The following GALNT7 variants were observed in gnomAD, a reference collection of about 807,000 sequenced individuals.
The protein encoded by GALNT7 is N-acetylgalactosaminyltransferase 7.
GALNT7 carries 60 observed loss-of-function variants against 82.1 expected under a neutral mutation model. The ratio of observed to expected loss-of-function variants is 0.73; its 90% CI spans 0.59 to 0.91. GALNT7 has a LOEUF of 0.91. Ranked by LOEUF, GALNT7 falls within the 40% of genes least tolerant of loss-of-function variation. The pLI, the probability that GALNT7 is intolerant of heterozygous loss-of-function variation, is 0.00. For missense variants in GALNT7, 660 were observed against 804.2 expected, an observed-to-expected ratio of 0.82 and a Z score of 2.17; for synonymous variants, 243 against 275.1, an observed-to-expected ratio of 0.88 and a Z score of 1.15.
At chr4:173,177,374 G>A (rs905460557) in intron 1 of GALNT7, among the ~76,000 whole-genome samples, 1 of 152,142 alleles carries the variant, frequency 6.6e-6, no homozygotes, top group Non-Finnish European at 1.5e-5. Flanking sequence ...TCAAGTGAAG[G>A]TGTCTTAACC....
chr4:173,178,198 A>G (rs1198545685), intron 1 of GALNT7, among the ~76,000 whole-genome samples: 1 of 152,184 alleles, frequency 6.6e-6, no homozygotes, highest in Non-Finnish European at 1.5e-5. Context: ...CTGTGACTAG[A>G]AAACCAATTT....
chr4:173,183,365 T>G (rs1732332060), intron 1 of GALNT7, among the ~76,000 whole-genome samples: 1 of 151,472 alleles, frequency 6.6e-6, no homozygotes, highest in South Asian at 2.1e-4. Context: ...AATGATGAAA[T>G]GTAAAGATCA....
Position 173,231,911 on chromosome 4 carries a change from G to A in GALNT7, c.127-16069G>A, listed in dbSNP as rs549299600. The stretch of plus-strand genomic sequence containing the variant: ...GACTCTCCTCAATTAGAGCTTTTTA[G>A]TCTGGTTGGGGAAGAAAAACTAACA... On this transcript the variant is annotated intron_variant, in intron 1 of 11. Coordinates refer to ENST00000265000, the MANE Select transcript of GALNT7 (RefSeq NM_017423.3). Among the ~76,000 whole-genome samples, 11 of 152,292 alleles carry A rather than the reference G, an allele frequency of 7.2e-5. No individual in the cohort carries two copies. The South Asian group carries it at 1.0e-3, about 14-fold the overall frequency.
chr4:173,203,236 G>A (rs1732996119), intron 1 of GALNT7, among the ~76,000 whole-genome samples: 1 of 152,112 alleles, frequency 6.6e-6, no homozygotes, highest in Non-Finnish European at 1.5e-5. Context: ...TGGGACTACA[G>A]GCGCCCGCCA....
chr4:173,201,883 T>C (rs1335777066), intron 1 of GALNT7, among the ~76,000 whole-genome samples: 3 of 152,184 alleles, frequency 2.0e-5, no homozygotes, highest in South Asian at 2.1e-4. Flanking sequence ...CTCTTAGATT[T>C]TATAGTTTTG....
chr4:173,254,814 A>G lies in GALNT7; in HGVS notation c.587+6374A>G, dbSNP rs548085932. Among the ~76,000 whole-genome samples the G allele has an allele frequency of 1.1e-4, 16 of 152,360 alleles. No individual in the cohort carries two copies. In the South Asian group the frequency reaches 3.1e-3, roughly 30 times the overall value. ...AAAACACATTTGAAAGTGGTTTCACATGACCCAAGATGGACATGTTGCTTA... is the reference window on the plus strand; with the variant it reads ...AAAACACATTTGAAAGTGGTTTCACGTGACCCAAGATGGACATGTTGCTTA... On this transcript the variant is annotated intron_variant, in intron 2 of 11. Transcript: ENST00000265000.
At chr4:173,240,635 C>A (rs1301622866) in intron 1 of GALNT7, among the ~76,000 whole-genome samples, 1 of 152,092 alleles carries the variant, frequency 6.6e-6, no homozygotes, top group South Asian at 2.1e-4. Flanking sequence ...TCCCAAAGTG[C>A]TGAGATTATA....
chr4:173,184,799 G>A (rs1222563527), intron 1 of GALNT7, among the ~76,000 whole-genome samples: 1 of 152,002 alleles, frequency 6.6e-6, no homozygotes, highest in East Asian at 1.9e-4. Flanking sequence ...TTAATATTAT[G>A]AAAGTTGAAC....
At position 173,317,717 on chromosome 4, in the gene GALNT7, G is replaced by C. The variant is rs1398397719; in HGVS notation, c.1692G>C (p.Arg564Ser). ...TTGTTGAACTAGGACCCTGCCACAGGATGGGAGGGAATCAGGTAAACCACC... is the reference window on the plus strand; with the variant it reads ...TTGTTGAACTAGGACCCTGCCACAGCATGGGAGGGAATCAGGTAAACCACC... ...GGFVELGPCH[R>S]MGGNQLFRIN... Residue 564 changes from arginine (R) to serine (S), a missense_variant, in exon 10 of 12, where the codon AGG becomes AGC. Physicochemically the swap from Arg to Ser is moderately radical, Grantham distance 110 (BLOSUM62 -1). Around this residue, in one of 2 missense-constraint regions of GALNT7, gnomAD observed 527 missense variants for 683.5 expected, o/e 0.77. Coordinates refer to ENST00000265000, the MANE Select transcript of GALNT7 (RefSeq NM_017423.3). The C allele has an allele frequency of 2.5e-6, 4 of 1,605,714 alleles. No individual in the cohort carries two copies. The highest frequency in any genetic ancestry group is 1.3e-5 in the African/African-American group (1 of 74,722).
chr4:173,309,123 A>G (rs528406225), intron 8 of GALNT7, among the ~76,000 whole-genome samples: 15 of 152,380 alleles, frequency 9.8e-5, no homozygotes, highest in African/African-American at 3.6e-4. Context: ...ATGTTAAAAA[A>G]TATTTTTTGA....
At chr4:173,217,939 G>GA (rs1194475478) in intron 1 of GALNT7, among the ~76,000 whole-genome samples, 1 of 152,160 alleles carries the variant, frequency 6.6e-6, no homozygotes, top group Non-Finnish European at 1.5e-5. Flanking sequence ...TAAGGGTACT[G>GA]ACAATTGTTT....
chr4:173,271,251 G>C (rs1735710722), intron 2 of GALNT7, among the ~76,000 whole-genome samples: 1 of 151,976 alleles, frequency 6.6e-6, no homozygotes, highest in South Asian at 2.1e-4. Flanking sequence ...TTTTGCCCAG[G>C]GGTTTGCTGA....
chr4:173,223,868 A>G (rs1353021026), intron 1 of GALNT7, among the ~76,000 whole-genome samples: 2 of 152,200 alleles, frequency 1.3e-5, no homozygotes, highest in Non-Finnish European at 2.9e-5. Context: ...GAGTTTAGGT[A>G]AAACATTATT....
At chr4:173,266,871 GT>G (rs1561181356) in intron 2 of GALNT7, among the ~76,000 whole-genome samples, 947 of 51,182 alleles carry the variant, frequency 0.019, 12 homozygotes, top group Middle Eastern at 0.033. Context: ...TGGGAAGGGT[GT>G]GTGTGTGTGT....
chr4:173,226,606 A>G (rs1413692677), intron 1 of GALNT7, among the ~76,000 whole-genome samples: 1 of 152,088 alleles, frequency 6.6e-6, no homozygotes, highest in African/African-American at 2.4e-5. Context: ...TGGTGGAGAA[A>G]ATTACTCACT....
intron 9 of GALNT7, among the ~76,000 whole-genome samples, chr4:173,314,408 T>A (rs949593601): frequency 6.6e-6 from 1 of 152,144 alleles, no homozygotes; most frequent in Admixed American, 6.5e-5. Flanking sequence ...AGACATCCAC[T>A]CTTCACTCCA....
At chr4:173,271,872 A>AT (rs1365115357) in intron 2 of GALNT7, among the ~76,000 whole-genome samples, 2 of 152,160 alleles carry the variant, frequency 1.3e-5, no homozygotes, top group East Asian at 1.9e-4. Context: ...ATCTTTAAAT[A>AT]TTTTTTGTGC....
chr4:173,234,082 C>T (rs1734130023), intron 1 of GALNT7, among the ~76,000 whole-genome samples: 2 of 152,200 alleles, frequency 1.3e-5, no homozygotes, highest in Non-Finnish European at 2.9e-5. Context: ...ATGCAATCCT[C>T]ATCTTGCTTG....
chr4:173,269,311 G>A (rs545607346), intron 2 of GALNT7, among the ~76,000 whole-genome samples: 6 of 152,130 alleles, frequency 3.9e-5, no homozygotes, highest in South Asian at 4.2e-4. Context: ...TATATGTTCC[G>A]CCCATAATTC....
Sources: allele counts gnomAD v4.1 joint callset (sites outside exome capture counted in the v4.1 genomes callset), GRCh38; gene constraint gnomAD v4.1.1; regional missense constraint gnomAD v4.1.1; transcripts MANE v1.5; gene names NCBI Gene and HGNC (gene_info 2026-07-23, HGNC 2026-07-21).